Variants in FAM81A observed in about 807,000 individuals in gnomAD.
FAM81A encodes the protein protein FAM81A.
Under a neutral mutation model 46.7 loss-of-function variants are expected in FAM81A, and 19 were observed. The ratio of observed to expected loss-of-function variants is 0.41; its 90% CI spans 0.28 to 0.60. FAM81A has a LOEUF of 0.60. Among genes scored for constraint, FAM81A ranks in the 20% least tolerant of loss-of-function variants. The pLI is 0.34. For missense variants in FAM81A, 377 were observed against 453.5 expected (o/e 0.83, Z 1.53); for synonymous variants, 183 against 152.9 (o/e 1.20, Z -1.45).
rs767099776 is a variant in FAM81A, at chr15:59,516,652, G to C, written c.794G>C (p.Ser265Thr). 1 of 1,610,864 alleles carries C rather than the reference G, an allele frequency of 6.2e-7. No individual in the cohort carries two copies. Among genetic ancestry groups the C allele is most frequent in the Non-Finnish European group, 8.5e-7 (1 of 1,179,102 alleles). ...SLIVKENSGA[S>T]ERDMEKKLSQ... ...TCTTATCATGGATCTCAGGGAGCCAGTGAAAGGGATATGGAGAAGAAGCTC... is the reference window on the plus strand; with the variant it reads ...TCTTATCATGGATCTCAGGGAGCCACTGAAAGGGATATGGAGAAGAAGCTC... The change falls in exon 8 of 9, where the codon AGT becomes ACT. Residue 265 changes from serine to threonine, a missense_variant. Ser to Thr is a moderately conservative substitution (Grantham distance 58). Coordinates refer to ENST00000288228, the MANE Select transcript of FAM81A (RefSeq NM_152450.3).
intron 2 of FAM81A, among the ~76,000 whole-genome samples, chr15:59,423,680 A>G (rs953097504): frequency 2.0e-5 from 3 of 152,252 alleles, no homozygotes; most frequent in Non-Finnish European, 4.4e-5. Context: ...GAAATAAGGA[A>G]TGAGAAGCTA....
chr15:59,449,217 A>G (rs1170672295), intron 1 of FAM81A, among the ~76,000 whole-genome samples: 3 of 152,182 alleles, frequency 2.0e-5, no homozygotes, highest in African/African-American at 7.2e-5. Flanking sequence ...GGAGAGTCTA[A>G]CAATTTGACT....
At chr15:59,484,482 A>T (rs1005682683) in intron 3 of FAM81A, among the ~76,000 whole-genome samples, 2 of 152,210 alleles carry the variant, frequency 1.3e-5, no homozygotes, top group Admixed American at 1.3e-4. Context: ...ACAGTCTTGA[A>T]TCACCAACAC....
intron 1 of FAM81A, chr15:59,445,163 G>T (rs1446702293): frequency 6.6e-6 from 1 of 152,190 alleles, no homozygotes; most frequent in African/African-American, 2.4e-5. Flanking sequence ...CCTCCCTGAA[G>T]GTGTCTGCGT....
chr15:59,472,996 T>C (rs7175465), intron 3 of FAM81A, among the ~76,000 whole-genome samples: 122,162 of 152,132 alleles, frequency 0.8, 49,549 homozygotes, highest in African/African-American at 0.92. Flanking sequence ...TGTACAAAAT[T>C]GAAGAACCCC....
chr15:59,507,962 G>A (rs549966697), intron 5 of FAM81A, among the ~76,000 whole-genome samples: 12 of 152,196 alleles, frequency 7.9e-5, no homozygotes, highest in Middle Eastern at 3.4e-3. Flanking sequence ...GCTATTGTTC[G>A]TTTAAAGAGA....
intron 4 of FAM81A, among the ~76,000 whole-genome samples, chr15:59,499,405 A>G (rs1295885664): frequency 2.0e-5 from 3 of 152,164 alleles, no homozygotes; most frequent in Non-Finnish European, 4.4e-5. Flanking sequence ...TATGCATATT[A>G]TTTTAAACAA....
At chr15:59,449,784 A>C (rs1301444144) in intron 1 of FAM81A, among the ~76,000 whole-genome samples, 1,210 of 11,906 alleles carry the variant, frequency 0.1, 171 homozygotes, top group African/African-American at 0.3. Context: ...TCTGTCTCAA[A>C]AAAAAAAAAA....
At chr15:59,483,426 T>TA (rs1355028279) in intron 3 of FAM81A, among the ~76,000 whole-genome samples, 2 of 152,186 alleles carry the variant, frequency 1.3e-5, no homozygotes, top group Admixed American at 6.5e-5. Context: ...TCTTTTTTTT[T>TA]ACTAAGAAGT....
rs1290889747 is a variant in FAM81A at position 59,523,322 on chromosome 15, T to C, written c.*1944T>C. 6.6e-6 allele frequency: 1 copy of C among 152,274 alleles called. No individual in the cohort carries two copies. The highest frequency in any genetic ancestry group is 1.5e-5 in the Non-Finnish European group (1 of 68,082). 9.4% of individuals were successfully genotyped at this position (152,274 alleles called of 1,614,324 possible). ...AATCATCCAGAGGAGTTGGGAAATCTACTGATGCCCCGCTGTGCCTCCCAG... is the reference window on the plus strand; with the variant it reads ...AATCATCCAGAGGAGTTGGGAAATCCACTGATGCCCCGCTGTGCCTCCCAG... On this transcript the variant is annotated 3_prime_UTR_variant, in exon 9 of 9. Transcript: ENST00000288228.
At chr15:59,417,847 G>T (rs1391856740) in intron 2 of FAM81A, among the ~76,000 whole-genome samples, 2 of 151,882 alleles carry the variant, frequency 1.3e-5, no homozygotes, top group African/African-American at 4.8e-5. Context: ...ATGTATACAT[G>T]TGCCCTGTTG....
At chr15:59,400,617 G>A (rs1448491863) in intron 1 of FAM81A, among the ~76,000 whole-genome samples, 5 of 152,134 alleles carry the variant, frequency 3.3e-5, no homozygotes, top group East Asian at 3.8e-4. Flanking sequence ...TTCATCAGGC[G>A]TCATTCCTTC....
chr15:59,483,212 AT>A (rs1567063556), intron 3 of FAM81A, among the ~76,000 whole-genome samples: 1 of 151,918 alleles, frequency 6.6e-6, no homozygotes, highest in Non-Finnish European at 1.5e-5. Context: ...TAATTTTTGT[AT>A]TTTTAGTAGA....
At chr15:59,516,409 C>T (rs1452976674) in intron 7 of FAM81A, among the ~76,000 whole-genome samples, 3 of 152,020 alleles carry the variant, frequency 2.0e-5, no homozygotes, top group South Asian at 2.1e-4. Flanking sequence ...GAATTACAGG[C>T]GTGAGCCACC....
chr15:59,404,103 G>C (rs2081084045), intron 2 of FAM81A, among the ~76,000 whole-genome samples: 1 of 151,966 alleles, frequency 6.6e-6, no homozygotes. Context: ...GGATGGTCTC[G>C]ATCTCTTGAC....
At chr15:59,467,837 T>C (rs2081633755) in intron 3 of FAM81A, among the ~76,000 whole-genome samples, 1 of 152,200 alleles carries the variant, frequency 6.6e-6, no homozygotes, top group Non-Finnish European at 1.5e-5. Flanking sequence ...TGATATTGGC[T>C]GTGGGTTTGT....
chr15:59,420,593 T>C (rs1194980509), intron 2 of FAM81A, among the ~76,000 whole-genome samples: 1 of 152,214 alleles, frequency 6.6e-6, no homozygotes, highest in Non-Finnish European at 1.5e-5. Flanking sequence ...TTTATCACAT[T>C]TCTTCCCAGT....
At chr15:59,412,222 A>G (rs1320384595) in intron 2 of FAM81A, among the ~76,000 whole-genome samples, 2 of 152,076 alleles carry the variant, frequency 1.3e-5, no homozygotes, top group Admixed American at 1.3e-4. Context: ...GACTCCTAAG[A>G]TGGGGCAGTA....
At chr15:59,510,849 A>T (rs762362571) in intron 6 of FAM81A, among the ~76,000 whole-genome samples, 64 of 149,780 alleles carry the variant, frequency 4.3e-4, no homozygotes, top group Admixed American at 1.3e-3. Context: ...ATGGAATTTT[A>T]AAAAGACAGC....
Sources: allele counts gnomAD v4.1 joint callset (sites outside exome capture counted in the v4.1 genomes callset), GRCh38; gene constraint gnomAD v4.1.1; transcripts MANE v1.5; gene names NCBI Gene and HGNC (gene_info 2026-07-23, HGNC 2026-07-21).